DKK3: variants seen among roughly 807,000 people sequenced by gnomAD.
DKK3 encodes dickkopf-related protein 3.
Under a neutral mutation model 33.2 loss-of-function variants are expected in DKK3, and 22 were observed. The observed-to-expected ratio is 0.66, with a 90% CI of 0.47 to 0.95. DKK3 has a LOEUF of 0.95. Ranked by LOEUF, DKK3 falls within the 40% of genes least tolerant of loss-of-function variation. The pLI, the probability that DKK3 is intolerant of heterozygous loss-of-function variation, is 0.00. For missense variants in DKK3, 398 were observed against 458.4 expected, an observed-to-expected ratio of 0.87 and a Z score of 1.20; for synonymous variants, 194 against 188.8, an observed-to-expected ratio of 1.03 and a Z score of -0.23.
At position 11,964,236 on chromosome 11, in the gene DKK3, T is replaced by C. The variant is rs1847525013; in HGVS notation, c.*228A>G. The C allele has an allele frequency of 1.7e-6, 1 of 585,578 alleles. No homozygotes were observed. Among genetic ancestry groups the C allele is most frequent in the East Asian group, 2.9e-5 (1 of 34,748 alleles). The allele number at this position is 585,578 out of a possible 1,614,324, so 36.3% of individuals were successfully genotyped here. ...AATCTGGACAGGGGTGGCAAACTGC[T>C]CCTGCAGTTTAACCCTGCCTGACTC... is the stretch of plus-strand genomic sequence containing the variant. On this transcript the variant is annotated 3_prime_UTR_variant, in exon 7 of 7. Coordinates refer to ENST00000683431, the MANE Select transcript of DKK3 (RefSeq NM_001018057.2).
chr11:11,997,875 G>A (rs1848332188), intron 3 of DKK3, among the ~76,000 whole-genome samples: 1 of 152,136 alleles, frequency 6.6e-6, no homozygotes, highest in Admixed American at 6.5e-5. Context: ...AAAGACGTGG[G>A]GAAAATCCTC....
At chr11:11,993,460 T>C (rs977229310) in intron 3 of DKK3, among the ~76,000 whole-genome samples, 2 of 152,162 alleles carry the variant, frequency 1.3e-5, no homozygotes, top group African/African-American at 2.4e-5. Context: ...TGATTTTAGA[T>C]GTGGAATCGC....
At chr11:11,982,475 C>T (rs1407864689) in intron 3 of DKK3, among the ~76,000 whole-genome samples, 1 of 152,214 alleles carries the variant, frequency 6.6e-6, no homozygotes, top group South Asian at 2.1e-4. Context: ...CCTTTTCTGG[C>T]TTCAGGGTGC....
chr11:11,974,841 T>A (rs1847798599), intron 3 of DKK3, among the ~76,000 whole-genome samples: 1 of 151,672 alleles, frequency 6.6e-6, no homozygotes, highest in Non-Finnish European at 1.5e-5. Context: ...GAGGCAGAGG[T>A]TGCAGTGAGC....
intron 3 of DKK3, among the ~76,000 whole-genome samples, chr11:11,973,647 T>C (rs1485667027): frequency 6.6e-6 from 1 of 152,158 alleles, no homozygotes; most frequent in Non-Finnish European, 1.5e-5. Context: ...GAGGGAACTA[T>C]ATTTAGAAAG....
intron 3 of DKK3, among the ~76,000 whole-genome samples, chr11:11,972,411 T>C (rs1419171048): frequency 6.6e-6 from 1 of 152,228 alleles, no homozygotes; most frequent in Non-Finnish European, 1.5e-5. Context: ...CATCTAGTCC[T>C]GACTTATCTA....
chr11:11,968,772 C>T (rs1040045061), intron 3 of DKK3: 8 of 304,468 alleles, frequency 2.6e-5, no homozygotes, highest in Non-Finnish European at 3.0e-5. Flanking sequence ...ACACCCAGGG[C>T]GGGAGCACAG....
At chr11:11,969,339 G>A (rs748012640) in intron 3 of DKK3, among the ~76,000 whole-genome samples, 1 of 152,214 alleles carries the variant, frequency 6.6e-6, no homozygotes, top group East Asian at 1.9e-4. Flanking sequence ...CATGATGACA[G>A]GAATGGCCAT....
intron 1 of DKK3, among the ~76,000 whole-genome samples, chr11:12,006,977 C>T (rs1590563119): frequency 6.6e-6 from 1 of 152,168 alleles, no homozygotes; most frequent in East Asian, 1.9e-4. Flanking sequence ...TGGGGCCTAT[C>T]TGAATCCCTT....
At chr11:11,968,252 C>T in intron 4 of DKK3, 143 bp downstream of exon 4, 1 of 682,684 alleles carries the variant, frequency 1.5e-6, no homozygotes, top group Non-Finnish European at 2.4e-6. Context: ...CAGGAGTCAG[C>T]CCTCTGGGGA....
chr11:11,976,850 C>A (rs1847844613), intron 3 of DKK3, among the ~76,000 whole-genome samples: 1 of 152,188 alleles, frequency 6.6e-6, no homozygotes, highest in Admixed American at 6.5e-5. Context: ...ACCTTAAAAC[C>A]AGGCCAGTCG....
chr11:11,964,196 G>A lies in DKK3; in HGVS notation c.*268C>T, dbSNP rs971372112. 1 of 483,170 alleles carries A rather than the reference G, an allele frequency of 2.1e-6. No homozygotes were observed. The highest frequency in any genetic ancestry group is 3.4e-5 in the East Asian group (1 of 29,408). 29.9% of individuals were successfully genotyped at this position (483,170 alleles called of 1,614,324 possible). On this transcript the variant is annotated 3_prime_UTR_variant, in exon 7 of 7. Transcript: ENST00000683431. ...AAACGGCTGTCTGCCAACTGGTAGA[G>A]GCAAAGCAGCCAATAATCTGGACAG... is the stretch of plus-strand genomic sequence containing the variant.
chr11:11,999,045 C>T (rs1255639916), intron 2 of DKK3, among the ~76,000 whole-genome samples: 1 of 152,138 alleles, frequency 6.6e-6, no homozygotes, highest in Non-Finnish European at 1.5e-5. Context: ...AATCACTCCG[C>T]ACAGTGCCCA....
intron 3 of DKK3, among the ~76,000 whole-genome samples, chr11:11,995,379 C>G (rs1848270457): frequency 6.6e-6 from 1 of 152,144 alleles, no homozygotes; most frequent in South Asian, 2.1e-4. Flanking sequence ...GCCACTGTAC[C>G]CAGCCTTCCA....
intron 3 of DKK3, among the ~76,000 whole-genome samples, chr11:11,990,370 C>A (rs749917986): frequency 5.9e-5 from 9 of 152,242 alleles, no homozygotes; most frequent in African/African-American, 2.2e-4. Flanking sequence ...TTCTAAGTAA[C>A]GGTTTCCAGA....
intron 2 of DKK3, among the ~76,000 whole-genome samples, chr11:11,999,829 T>G (rs1848385989): frequency 6.6e-6 from 1 of 152,208 alleles, no homozygotes; most frequent in Non-Finnish European, 1.5e-5. Flanking sequence ...AGCTCTAATA[T>G]CACAGGAATC....
At chr11:11,971,611 G>A (rs935308007) in intron 3 of DKK3, among the ~76,000 whole-genome samples, 10 of 152,134 alleles carry the variant, frequency 6.6e-5, no homozygotes, top group African/African-American at 2.2e-4. Flanking sequence ...AAAGGCCTTC[G>A]TAGACTTGCG....
At chr11:12,001,139 G>T (rs186420163) in intron 2 of DKK3, among the ~76,000 whole-genome samples, 7 of 152,246 alleles carry the variant, frequency 4.6e-5, no homozygotes, top group South Asian at 2.1e-4. Context: ...CAAACCTGTT[G>T]GTTAATTATT....
At chr11:11,998,904 C>T (rs554437120) in intron 2 of DKK3, 125 bp from the exon 3 acceptor site, 2 of 782,580 alleles carry the variant, frequency 2.6e-6, no homozygotes, top group South Asian at 3.3e-5. Flanking sequence ...TCGAAATGCC[C>T]ACCCCGCTTT....
Sources: gnomAD v4.1 joint callset for allele counts (sites outside exome capture counted in the v4.1 genomes callset) on GRCh38, gnomAD v4.1.1 for gene constraint, MANE v1.5 for transcripts, NCBI Gene and HGNC (gene_info 2026-07-23, HGNC 2026-07-21) for gene names.